Variants in SLC6A20 observed in about 807,000 individuals in gnomAD.
SLC6A20 encodes solute carrier family 6 member 20, also known as sodium- and chloride-dependent transporter XTRP3.
SLC6A20 carries 73 observed loss-of-function variants against 64.3 expected under a neutral mutation model. That is an observed-to-expected ratio of 1.14 (90% CI 0.94 to 1.38). The LOEUF is 1.38. Among genes scored for constraint, SLC6A20 ranks in the 40% most tolerant of loss-of-function variants. The pLI is 0.00. For synonymous variants in SLC6A20, 347 were observed against 329.6 expected (o/e 1.05, Z -0.57); for missense variants, 725 against 772.8 (o/e 0.94, Z 0.73).
chr3:45,771,621 C>T (rs1238808654), intron 5 of SLC6A20, 163 bp from the exon 6 acceptor site: 46 of 1,107,434 alleles, frequency 4.2e-5, no homozygotes, highest in Non-Finnish European at 5.8e-5. Context: ...GCCCCATCCA[C>T]TCCCTGGCAG....
At chr3:45,793,553 T>A (rs1382383942) in intron 1 of SLC6A20, among the ~76,000 whole-genome samples, 1 of 152,014 alleles carries the variant, frequency 6.6e-6, no homozygotes, top group Non-Finnish European at 1.5e-5. Context: ...TGGAATGTAA[T>A]CTTCAGAATT....
intron 2 of SLC6A20, 30 bp from the exon 3 acceptor site, chr3:45,780,130 A>G (rs1407012947): frequency 1.3e-6 from 2 of 1,557,050 alleles, no homozygotes; most frequent in Admixed American, 1.9e-5. Context: ...CGCGCTGAGG[A>G]CTGAGGATGG....
Position 45,758,733 on chromosome 3 carries a change from G to C in SLC6A20, c.*245C>G. The C allele has an allele frequency of 5.5e-6, 7 of 1,282,690 alleles. No homozygotes were observed. The South Asian group carries it at 1.5e-4, about 27-fold the overall frequency. 79.5% of individuals were successfully genotyped at this position (1,282,690 alleles called of 1,614,324 possible). ...GAATGAAGGATGCAGTTATCTTTGA[G>C]ACCGGCTTTCATAGCCCACCCCCTT... On this transcript the variant is annotated 3_prime_UTR_variant, in exon 11 of 11. Coordinates refer to ENST00000358525, the MANE Select transcript of SLC6A20 (RefSeq NM_020208.4).
At chr3:45,790,972 A>G (rs1700240104) in intron 1 of SLC6A20, among the ~76,000 whole-genome samples, 2 of 151,772 alleles carry the variant, frequency 1.3e-5, no homozygotes, top group African/African-American at 4.8e-5. Flanking sequence ...GAATATTTTC[A>G]CCCCTAATTC....
At chr3:45,771,090 G>C in intron 6 of SLC6A20, 127 bp downstream of exon 6, 1 of 1,367,122 alleles carries the variant, frequency 7.3e-7, no homozygotes, top group Non-Finnish European at 9.9e-7. Context: ...GTGGTGTAGG[G>C]AGTCCAAATG....
intron 8 of SLC6A20, among the ~76,000 whole-genome samples, chr3:45,763,860 A>G (rs1184978694): frequency 1.3e-5 from 2 of 152,220 alleles, no homozygotes; most frequent in East Asian, 3.9e-4. Flanking sequence ...GTACACTGCC[A>G]GCTACCGAGC....
At chr3:45,772,440 C>T (rs1285952632) in intron 5 of SLC6A20, 65 bp downstream of exon 5, 1 of 1,446,178 alleles carries the variant, frequency 6.9e-7, no homozygotes, top group Admixed American at 2.0e-5. Flanking sequence ...CCTCTTCCCA[C>T]CCATCCTGGA....
chr3:45,760,966 G>A (rs912006620), intron 9 of SLC6A20, among the ~76,000 whole-genome samples: 15 of 152,292 alleles, frequency 9.8e-5, no homozygotes, highest in East Asian at 3.9e-4. Context: ...CAGCCTTGGC[G>A]GGAGGGGCTG....
chr3:45,755,508 C>T lies in SLC6A20; in HGVS notation c.*3470G>A, dbSNP rs566106346. 6.6e-6 allele frequency: 1 copy of T among 152,590 alleles called. No individual in the cohort carries two copies. Among genetic ancestry groups the T allele is most frequent in the South Asian group, 2.1e-4 (1 of 4,820 alleles). The allele number at this position is 152,590 out of a possible 1,614,324, so 9.5% of individuals were successfully genotyped here. On this transcript the variant is annotated 3_prime_UTR_variant, in exon 11 of 11. Transcript: ENST00000358525. ...GACAATTGCTAAAAAACAAATATTT[C>T]CCTACTCAATTTCTTGGAGCTAAAT...
At chr3:45,773,685 A>C (rs1370881450) in intron 4 of SLC6A20, among the ~76,000 whole-genome samples, 1 of 102,778 alleles carries the variant, frequency 9.7e-6, no homozygotes, top group Non-Finnish European at 2.3e-5. Context: ...GGTGGGCTTG[A>C]ATTACACTTG....
intron 9 of SLC6A20, 52 bp from the exon 10 acceptor site, chr3:45,760,074 A>G (rs1301294020): frequency 3.2e-6 from 5 of 1,559,882 alleles, no homozygotes; most frequent in African/African-American, 2.7e-5. Context: ...TGCGGAGGTC[A>G]GGGCGTCCAG....
At chr3:45,763,193 A>C in intron 8 of SLC6A20, 121 bp from the exon 9 acceptor site, 3 of 1,414,730 alleles carry the variant, frequency 2.1e-6, no homozygotes, top group Non-Finnish European at 2.9e-6. Context: ...CTTCATCCAC[A>C]TGGGTTGAAA....
chr3:45,788,255 CAAA>C (rs11294282), intron 1 of SLC6A20, among the ~76,000 whole-genome samples: 8 of 134,532 alleles, frequency 5.9e-5, no homozygotes, highest in African/African-American at 5.5e-5. Context: ...ACCCTGTTTC[CAAA>C]AAAAAAAAAA....
rs147343122 is a variant in SLC6A20, at chr3:45,795,701, G to A, written c.121+598C>T. On this transcript the variant is annotated intron_variant, in intron 1 of 10. Coordinates refer to ENST00000358525, the MANE Select transcript of SLC6A20 (RefSeq NM_020208.4). ...AGCGCGTGGCTGGCTGGCTGTCCCC[G>A]GAGCGTGCATGATGCTTCGGAGGAA... Among the ~76,000 whole-genome samples, 885 of 152,262 alleles carry A rather than the reference G, an allele frequency of 5.8e-3. 33 individuals carry two copies. The highest frequency in any genetic ancestry group is 0.051 in the Admixed American group (774 of 15,286).
intron 1 of SLC6A20, among the ~76,000 whole-genome samples, chr3:45,786,578 G>A (rs1316192660): frequency 3.3e-5 from 5 of 152,202 alleles, no homozygotes; most frequent in Non-Finnish European, 7.4e-5. Flanking sequence ...GGTTGAGGTG[G>A]TGTCTGCTGG....
intron 1 of SLC6A20, among the ~76,000 whole-genome samples, chr3:45,796,095 G>A (rs1412502186): frequency 6.6e-6 from 1 of 152,160 alleles, no homozygotes; most frequent in African/African-American, 2.4e-5. Context: ...GGTTCCCGAG[G>A]GCTTGGGAGG....
intron 9 of SLC6A20, among the ~76,000 whole-genome samples, chr3:45,760,835 C>T (rs1373709465): frequency 6.6e-6 from 1 of 152,230 alleles, no homozygotes; most frequent in African/African-American, 2.4e-5. Flanking sequence ...ACAGGAGGAA[C>T]CAAGGCCCAG....
At chr3:45,788,641 TAAAAAA>T (rs766689559) in intron 1 of SLC6A20, among the ~76,000 whole-genome samples, 1 of 152,168 alleles carries the variant, frequency 6.6e-6, no homozygotes, top group Non-Finnish European at 1.5e-5. Flanking sequence ...TAATAACTAA[TAAAAAA>T]TAAAATTGGC....
chr3:45,770,466 A>G (rs1037795753), intron 6 of SLC6A20, 95 bp from the exon 7 acceptor site: 1 of 1,451,498 alleles, frequency 6.9e-7, no homozygotes, highest in African/African-American at 1.4e-5. Flanking sequence ...TTAGGTGAGG[A>G]AAGGGAGTCT....
Sources: gnomAD v4.1 joint callset for allele counts (sites outside exome capture counted in the v4.1 genomes callset) on GRCh38, gnomAD v4.1.1 for gene constraint, MANE v1.5 for transcripts, NCBI Gene and HGNC (gene_info 2026-07-23, HGNC 2026-07-21) for gene names.